The following SHOC1 variants were observed in gnomAD, a reference collection of about 807,000 sequenced individuals.
The protein encoded by SHOC1 is shortage in chiasmata 1, also known as protein shortage in chiasmata 1 ortholog.
Under a neutral mutation model 179.2 loss-of-function variants are expected in SHOC1, and 136 were observed. The ratio of observed to expected loss-of-function variants is 0.76; its 90% CI spans 0.66 to 0.87. The LOEUF (loss-of-function observed/expected upper bound fraction) is 0.87, where lower values mean the gene tolerates loss of function less well. Ranked by LOEUF, SHOC1 falls within the 40% of genes least tolerant of loss-of-function variation. The pLI is 0.00. For missense variants in SHOC1, 1,538 were observed against 1,700.8 expected (o/e 0.90, Z 1.68); for synonymous variants, 489 against 586.6 (o/e 0.83, Z 2.41).
At chr9:111,762,282 TAGTC>T (rs1449627811) in intron 5 of SHOC1, among the ~76,000 whole-genome samples, 1 of 148,574 alleles carries the variant, frequency 6.7e-6, no homozygotes, top group East Asian at 2.0e-4. Flanking sequence ...AATTAAAAAT[TAGTC>T]AGGCATGGTG....
intron 13 of SHOC1, among the ~76,000 whole-genome samples, chr9:111,726,620 A>T (rs1054250241): frequency 6.6e-6 from 1 of 152,202 alleles, no homozygotes; most frequent in South Asian, 2.1e-4. Context: ...TGGAAAAATA[A>T]ATATACCCAT....
In SHOC1 at chr9:111,696,621, C is replaced by T. The variant is rs138756385; in HGVS notation, c.3184-2259G>A. Reference sequence around the variant, plus strand: ...TTGTTTGGAATGGATTGTTCCTAGGCGGTACTCCTATTTCATCCCCAAATG... The same window carrying T: ...TTGTTTGGAATGGATTGTTCCTAGGTGGTACTCCTATTTCATCCCCAAATG... On this transcript the variant is annotated intron_variant, in intron 24 of 27. Coordinates refer to ENST00000682961, the MANE Select transcript of SHOC1 (RefSeq NM_001378211.1). 5.0e-4 allele frequency among the ~76,000 whole-genome samples: 76 copies of T among 151,604 alleles called. No individual in the cohort carries two copies. The East Asian group carries it at 0.012, about 24-fold the overall frequency.
chr9:111,687,862 A>T (rs1831248934), intron 27 of SHOC1, among the ~76,000 whole-genome samples: 1 of 148,568 alleles, frequency 6.7e-6, no homozygotes, highest in Admixed American at 6.8e-5. Context: ...CTTTAGGGGG[A>T]TATCATTTTC....
intron 10 of SHOC1, among the ~76,000 whole-genome samples, 191 bp downstream of exon 10, chr9:111,746,043 T>C (rs1181836515): frequency 6.6e-6 from 1 of 152,226 alleles, no homozygotes; most frequent in Non-Finnish European, 1.5e-5. Context: ...CTTCTAAAGA[T>C]ACTCTTTGCA....
chr9:111,758,195 C>A lies in SHOC1; in HGVS notation c.597G>T (p.Arg199Ser). ...AAGTTTCTTGAAGAGAGAAACATTC[C>A]CTTAAAAAAAAATACATTAATTAGT... ...GQIFTEANFSRECFSLQETLE... is the reference protein window; with the variant it reads ...GQIFTEANFSSECFSLQETLE... Residue 199 changes from arginine (R) to serine (S), a missense_variant and splice_region_variant, in exon 7 of 28, where the codon AGG (arginine) becomes AGT (serine). Transcript: ENST00000682961. 2.6e-6 allele frequency: 4 copies of A among 1,519,478 alleles called. No individual in the cohort carries two copies. The highest frequency in any genetic ancestry group is 2.3e-5 in the East Asian group (1 of 43,604). 94.1% of individuals were successfully genotyped at this position (1,519,478 alleles called of 1,614,324 possible). A position where few individuals can be genotyped will look rare whatever the true frequency, so the allele number is the denominator to read the frequency against.
At chr9:111,709,362 A>G (rs912448758) in intron 18 of SHOC1, among the ~76,000 whole-genome samples, 12 of 152,296 alleles carry the variant, frequency 7.9e-5, no homozygotes, top group African/African-American at 2.9e-4. Flanking sequence ...AACAAAAAAC[A>G]AACAAACCTA....
At chr9:111,695,504 C>T (rs919158157) in intron 24 of SHOC1, among the ~76,000 whole-genome samples, 10 of 151,792 alleles carry the variant, frequency 6.6e-5, no homozygotes, top group Non-Finnish European at 1.0e-4. Flanking sequence ...ACCCTTTTCC[C>T]ATTTAGAAAA....
intron 8 of SHOC1, among the ~76,000 whole-genome samples, chr9:111,754,439 G>A (rs569173847): frequency 3.9e-5 from 6 of 152,224 alleles, no homozygotes; most frequent in South Asian, 2.1e-4. Flanking sequence ...GTAGGATGGC[G>A]ATAAAAAAGT....
At chr9:111,746,561 T>A (rs1276063893) in intron 9 of SHOC1, among the ~76,000 whole-genome samples, 1 of 151,976 alleles carries the variant, frequency 6.6e-6, no homozygotes, top group Non-Finnish European at 1.5e-5. Flanking sequence ...CCTAGCTACC[T>A]GGGAAGCTGA....
chr9:111,762,378 G>A (rs1835174352), intron 5 of SHOC1, among the ~76,000 whole-genome samples: 1 of 151,796 alleles, frequency 6.6e-6, no homozygotes, highest in South Asian at 2.1e-4. Flanking sequence ...GCAGTGAGCT[G>A]TGATTGCACC....
At chr9:111,689,148 G>A (rs149583571) in intron 27 of SHOC1, among the ~76,000 whole-genome samples, 11 of 151,982 alleles carry the variant, frequency 7.2e-5, no homozygotes, top group African/African-American at 2.7e-4. Flanking sequence ...CACTTTGGAA[G>A]GCTGAGGCAG....
intron 2 of SHOC1, among the ~76,000 whole-genome samples, chr9:111,788,610 T>C (rs1836345752): frequency 6.6e-6 from 1 of 152,250 alleles, no homozygotes; most frequent in Non-Finnish European, 1.5e-5. Flanking sequence ...CTAAAATATA[T>C]GTGTAAGTAC....
At chr9:111,764,844 T>C (rs1835281018) in intron 5 of SHOC1, among the ~76,000 whole-genome samples, 1 of 151,944 alleles carries the variant, frequency 6.6e-6, no homozygotes, top group Non-Finnish European at 1.5e-5. Flanking sequence ...AATTACTGCT[T>C]TTAAGAAAAG....
At chr9:111,707,669 A>G (rs938695434) in intron 19 of SHOC1, among the ~76,000 whole-genome samples, 186 bp downstream of exon 19, 2 of 152,170 alleles carry the variant, frequency 1.3e-5, no homozygotes. Context: ...GACGCCAATA[A>G]CATATAATAC....
Position 111,727,629 on chromosome 9 carries a change from T to G in SHOC1, c.1834+4A>C. 1 of 1,556,362 alleles carries G rather than the reference T, an allele frequency of 6.4e-7. No homozygotes were observed. Among genetic ancestry groups the G allele is most frequent in the Non-Finnish European group, 8.6e-7 (1 of 1,156,182 alleles). On this transcript the variant is annotated splice_donor_region_variant and intron_variant, in intron 13 of 27. Coordinates refer to ENST00000682961, the MANE Select transcript of SHOC1 (RefSeq NM_001378211.1). ...CTACGGCAAAATATTATTAAATTAC[T>G]TACCATGTTTTTCATCACTGTTTGT...
At chr9:111,751,037 G>C (rs1834557003) in intron 8 of SHOC1, among the ~76,000 whole-genome samples, 1 of 152,044 alleles carries the variant, frequency 6.6e-6, no homozygotes, top group African/African-American at 2.4e-5. Flanking sequence ...GTAAGAAAGG[G>C]GTCCAGTTTC....
intron 20 of SHOC1, among the ~76,000 whole-genome samples, chr9:111,706,250 C>G (rs1174630290): frequency 1.3e-5 from 2 of 151,926 alleles, no homozygotes; most frequent in Non-Finnish European, 2.9e-5. Flanking sequence ...CCCTAAAAAT[C>G]AATAAAAATA....
intron 8 of SHOC1, among the ~76,000 whole-genome samples, chr9:111,749,844 G>T (rs982602266): frequency 1.3e-5 from 2 of 152,176 alleles, no homozygotes; most frequent in Non-Finnish European, 2.9e-5. Context: ...TACCTGCAAA[G>T]GACATAATCT....
rs1348244625 is a variant in SHOC1, at chr9:111,705,269, T to C, written c.2833A>G (p.Ile945Val). ...TACTTGGATTCTAGCAGCTGAAGTA[T>C]GTCTGGAGTATTAAGAAGTCCTTCA... ...ASEGLLNTPD[I>V]LQLLESNYNI... The change falls in exon 21 of 28, where the codon ATA becomes GTA. Residue 945 changes from isoleucine (I) to valine (V), a missense_variant. Coordinates refer to ENST00000682961, the MANE Select transcript of SHOC1 (RefSeq NM_001378211.1). 1.9e-6 allele frequency: 3 copies of C among 1,557,650 alleles called. No individual in the cohort carries two copies. The highest frequency in any genetic ancestry group is 2.6e-6 in the Non-Finnish European group (3 of 1,150,820).
Sources: allele counts gnomAD v4.1 joint callset (sites outside exome capture counted in the v4.1 genomes callset), GRCh38; gene constraint gnomAD v4.1.1; transcripts MANE v1.5; gene names NCBI Gene and HGNC (gene_info 2026-07-23, HGNC 2026-07-21).